TAX1BP1: variants seen among roughly 807,000 people sequenced by gnomAD.
The protein encoded by TAX1BP1 is tax1-binding protein 1.
A neutral mutation model predicts 97.7 loss-of-function variants in TAX1BP1; 62 were observed. The observed-to-expected ratio is 0.63, with a 90% CI of 0.52 to 0.78. The LOEUF (loss-of-function observed/expected upper bound fraction) is 0.78, where lower values mean the gene tolerates loss of function less well. Among genes scored for constraint, TAX1BP1 ranks in the 30% least tolerant of loss-of-function variants. The pLI is 0.00. For missense variants in TAX1BP1, 867 were observed against 916.1 expected (o/e 0.95, Z 0.69); for synonymous variants, 340 against 304.2 (o/e 1.12, Z -1.23).
intron 15 of TAX1BP1, among the ~76,000 whole-genome samples, chr7:27,820,159 C>A (rs1467647920): frequency 6.6e-6 from 1 of 152,200 alleles, no homozygotes; most frequent in African/African-American, 2.4e-5. Flanking sequence ...TCCCTTAATT[C>A]ATATCTTACT....
chr7:27,747,781 G>A (rs1279520625), intron 1 of TAX1BP1, among the ~76,000 whole-genome samples: 1 of 148,282 alleles, frequency 6.7e-6, no homozygotes, highest in Non-Finnish European at 1.5e-5. Flanking sequence ...CGATGTAGGG[G>A]CAGGGCTATG....
chr7:27,822,447 ACTGCCCGATTGTTTT>A (rs1791013755), intron 15 of TAX1BP1, among the ~76,000 whole-genome samples: 1 of 152,076 alleles, frequency 6.6e-6, no homozygotes, highest in African/African-American at 2.4e-5. Flanking sequence ...CTTTTGAAAA[ACTGCCCGATTGTTTT>A]CCCCAGTGGC....
At position 27,787,486 on chromosome 7, in the gene TAX1BP1, A is replaced by T. The variant is rs964756416; in HGVS notation, c.921A>T (p.Leu307Phe). 6.2e-7 allele frequency: 1 copy of T among 1,613,638 alleles called. No individual in the cohort carries two copies. ...CAGAGGTCCAGACTTTAAAAAATTT[A>T]GATGGGAACAAAGAAAGCGTGATTA... The part of the protein sequence containing the change: ...LMSEVQTLKN[L>F]DGNKESVITH... The change falls in exon 8 of 17, where the codon TTA becomes TTT. Residue 307 changes from leucine (L) to phenylalanine (F), a missense_variant. By Grantham distance (22) the Leu-to-Phe change is conservative (BLOSUM62 0). Around this residue, in one of 3 missense-constraint regions of TAX1BP1, gnomAD observed 822 missense variants for 851.4 expected, o/e 0.97. Coordinates refer to ENST00000396319, the MANE Select transcript of TAX1BP1 (RefSeq NM_006024.7).
At chr7:27,798,165 A>G (rs772906292) in intron 12 of TAX1BP1, among the ~76,000 whole-genome samples, 7 of 152,278 alleles carry the variant, frequency 4.6e-5, no homozygotes, top group East Asian at 3.9e-4. Context: ...ATATTATTGC[A>G]TATATTTATT....
intron 13 of TAX1BP1, among the ~76,000 whole-genome samples, chr7:27,812,081 A>G (rs1019613036): frequency 1.3e-5 from 2 of 152,222 alleles, no homozygotes; most frequent in South Asian, 2.1e-4. Flanking sequence ...TTGTTTTTAC[A>G]AAGTGGCTGT....
chr7:27,811,680 A>G (rs1295366219), intron 13 of TAX1BP1, among the ~76,000 whole-genome samples: 1 of 151,998 alleles, frequency 6.6e-6, no homozygotes, highest in East Asian at 1.9e-4. Context: ...AAATGCATGT[A>G]GTTCTGTAAC....
At chr7:27,769,873 A>C in intron 5 of TAX1BP1, 39 bp downstream of exon 5, 1 of 1,597,276 alleles carries the variant, frequency 6.3e-7, no homozygotes, top group Middle Eastern at 1.7e-4. Flanking sequence ...AGTTGATAGT[A>C]TATTGCCTGA....
chr7:27,791,613 G>T (rs1222978349), intron 8 of TAX1BP1, among the ~76,000 whole-genome samples: 1 of 152,072 alleles, frequency 6.6e-6, no homozygotes, highest in Non-Finnish European at 1.5e-5. Context: ...AATTTTTGGT[G>T]TTACAAAGAA....
chr7:27,781,979 A>G (rs1039471891), intron 5 of TAX1BP1, among the ~76,000 whole-genome samples: 1 of 151,958 alleles, frequency 6.6e-6, no homozygotes, highest in African/African-American at 2.4e-5. Flanking sequence ...GCCTCCCAAA[A>G]TGCTGTGATT....
chr7:27,782,397 G>A (rs1176134784), intron 5 of TAX1BP1, among the ~76,000 whole-genome samples: 3 of 151,664 alleles, frequency 2.0e-5, no homozygotes, highest in South Asian at 2.1e-4. Context: ...ACACCACCAC[G>A]CCCAGCTAAT....
intron 5 of TAX1BP1, among the ~76,000 whole-genome samples, chr7:27,770,852 A>G (rs1788818027): frequency 6.6e-6 from 1 of 152,098 alleles, no homozygotes; most frequent in Non-Finnish European, 1.5e-5. Context: ...AAATCTCCTT[A>G]TAAATGTGAA....
chr7:27,792,002 T>G lies in TAX1BP1; in HGVS notation c.1039-4T>G. On this transcript the variant is annotated splice_region_variant and splice_polypyrimidine_tract_variant and intron_variant, in intron 8 of 16. Transcript: ENST00000396319. Reference sequence around the variant, plus strand: ...TTACAAATATATTTATCTGCTTTCTTCAGGAAGATACTTGTTTTTTAAAGG... The same window carrying G: ...TTACAAATATATTTATCTGCTTTCTGCAGGAAGATACTTGTTTTTTAAAGG... 1 of 1,613,024 alleles carries G rather than the reference T, an allele frequency of 6.2e-7. No homozygotes were observed.
At chr7:27,764,912 T>C (rs1190679906) in intron 3 of TAX1BP1, among the ~76,000 whole-genome samples, 1 of 147,978 alleles carries the variant, frequency 6.8e-6, no homozygotes, top group African/African-American at 2.5e-5. Context: ...TTTGACATGC[T>C]CCACCCCTCT....
intron 13 of TAX1BP1, among the ~76,000 whole-genome samples, chr7:27,806,085 T>G (rs1790324490): frequency 6.8e-6 from 1 of 147,038 alleles, no homozygotes; most frequent in African/African-American, 2.6e-5. Flanking sequence ...TGATAGAGTT[T>G]CAGTTTTTTT....
In TAX1BP1 at chr7:27,827,817, C is replaced by A. The variant is rs1223813254; in HGVS notation, c.2165C>A (p.Ser722Tyr). 10 of 1,613,248 alleles carry A rather than the reference C, an allele frequency of 6.2e-6. No individual in the cohort carries two copies. The highest frequency in any genetic ancestry group is 7.6e-6 in the Non-Finnish European group (9 of 1,179,600). ...CATGGGACAGGCTTTTGCTTTGATTCCAGGTAGTTTTCTTCTTTACTTTGT... is the reference window on the plus strand; with the variant it reads ...CATGGGACAGGCTTTTGCTTTGATTACAGGTAGTTTTCTTCTTTACTTTGT... ...RGHGTGFCFD[S>Y]SFDVHKKCPL... is the part of the protein sequence containing the mutation. Residue 722 changes from serine to tyrosine, a missense_variant, in exon 16 of 17, where the codon TCC (serine) becomes TAC (tyrosine). Transcript: ENST00000396319.
intron 2 of TAX1BP1, among the ~76,000 whole-genome samples, chr7:27,751,737 A>G (rs918926749): frequency 2.0e-5 from 3 of 152,096 alleles, no homozygotes; most frequent in African/African-American, 7.2e-5. Flanking sequence ...GTAAGGGAGG[A>G]GGAATGAAGA....
intron 8 of TAX1BP1, 140 bp downstream of exon 8, chr7:27,787,743 A>T (rs1026815364): frequency 1.4e-6 from 1 of 717,560 alleles, no homozygotes; most frequent in South Asian, 2.6e-5. Flanking sequence ...GAACAGAACA[A>T]TGAATACTGA....
rs1196918372 is a variant in TAX1BP1 at position 27,829,653 on chromosome 7, T to TAAA, written c.*826_*828dup. ...ATTTGAAATATTCTCAGTAAGTGAT[T>TAAA]AAAAGTACAATACATAAACCCAAAT... On this transcript the variant is annotated 3_prime_UTR_variant, in exon 17 of 17. Transcript: ENST00000396319. 6.6e-6 allele frequency: 1 copy of TAAA among 152,170 alleles called. No homozygotes were observed. Among genetic ancestry groups the TAAA allele is most frequent in the Non-Finnish European group, 1.5e-5 (1 of 68,002 alleles). The allele number at this position is 152,170 out of a possible 1,614,324, so 9.4% of individuals were successfully genotyped here.
chr7:27,817,168 T>C, intron 15 of TAX1BP1, 130 bp downstream of exon 15: 1 of 1,124,548 alleles, frequency 8.9e-7, no homozygotes, highest in Non-Finnish European at 1.2e-6. Flanking sequence ...AGTGTGTGCT[T>C]GTGCCTGCAC....
Sources: allele counts gnomAD v4.1 joint callset (sites outside exome capture counted in the v4.1 genomes callset), GRCh38; gene constraint gnomAD v4.1.1; regional missense constraint gnomAD v4.1.1; transcripts MANE v1.5; gene names NCBI Gene and HGNC (gene_info 2026-07-23, HGNC 2026-07-21).